The following AHDC1 variants were observed in gnomAD, a reference collection of about 807,000 sequenced individuals.
AHDC1 encodes AT-hook DNA binding motif containing 1, also known as transcription factor Gibbin.
In AHDC1, 7 loss-of-function variants were observed where a neutral mutation model predicts 87.9. That is an observed-to-expected ratio of 0.08 (90% confidence interval 0.05 to 0.15). The LOEUF (loss-of-function observed/expected upper bound fraction) is 0.15, where lower values mean the gene tolerates loss of function less well. Ranked by LOEUF, AHDC1 falls within the 10% of genes least tolerant of loss-of-function variation. The probability of loss-of-function intolerance (pLI) is 1.00; values close to 1 mark genes in which losing one functional copy is unlikely to be tolerated. For missense variants in AHDC1, 1,841 were observed against 2,253.2 expected (o/e 0.82, Z 3.70); for synonymous variants, 1,051 against 1,006.8 (o/e 1.04, Z -0.83).
intron 5 of AHDC1, among the ~76,000 whole-genome samples, chr1:27,556,093 A>G (rs1172997126): frequency 6.6e-6 from 1 of 152,132 alleles, no homozygotes; most frequent in African/African-American, 2.4e-5. Flanking sequence ...TAGGGACACC[A>G]GCTGGTTGGG....
At chr1:27,588,785 GC>G (rs2148463815) in intron 3 of AHDC1, among the ~76,000 whole-genome samples, 2 of 152,290 alleles carry the variant, frequency 1.3e-5, no homozygotes, top group East Asian at 3.9e-4. Context: ...TTGTAGGGGG[GC>G]TGTGTACGCA....
At position 27,561,568 on chromosome 1, in the gene AHDC1, C is replaced by T. The variant is rs1005420274; in HGVS notation, c.-628-2685G>A. Among the ~76,000 whole-genome samples, 7 of 152,048 alleles carry T rather than the reference C, an allele frequency of 4.6e-5. No individual in the cohort carries two copies. The highest frequency in any genetic ancestry group is 8.8e-5 in the Non-Finnish European group (6 of 68,008). On this transcript the variant is annotated intron_variant, in intron 3 of 8. Coordinates refer to ENST00000673934, the MANE Select transcript of AHDC1 (RefSeq NM_001371928.1). This position sits in a 1 kb window ranked among gnomAD's most constrained non-coding sequence, Gnocchi z 4.2. ...AAGGCTCCCTTCACGGTGCTCCAGG[C>T]GCAAGGCAGAATCACATGTTTCCCA...
rs549052351 is a variant in AHDC1, at chr1:27,540,212, T to C, written c.*44-5296A>G. On this transcript the variant is annotated intron_variant, in intron 8 of 8. Transcript: ENST00000673934. ...TCTTTGTAAACTGGATGGATTGTGC[T>C]TGGAGAGGTCCACAGGCCCAGTGAG... Among the ~76,000 whole-genome samples, 5 of 152,230 alleles carry C rather than the reference T, an allele frequency of 3.3e-5. No homozygotes were observed. The South Asian group carries it at 1.0e-3, about 32-fold the overall frequency.
intron 8 of AHDC1, among the ~76,000 whole-genome samples, chr1:27,545,681 G>A (rs954584461): frequency 2.7e-5 from 4 of 147,520 alleles, no homozygotes; most frequent in Non-Finnish European, 4.5e-5. Context: ...GCAATGAGAC[G>A]CATGGGGAAT....
At chr1:27,602,632 C>T (rs1245878320) in intron 3 of AHDC1, among the ~76,000 whole-genome samples, 1 of 152,224 alleles carries the variant, frequency 6.6e-6, no homozygotes, top group Non-Finnish European at 1.5e-5. Context: ...GGGCTGACAG[C>T]TGTCACTCAG....
chr1:27,538,400 C>CAAAAAAAAAAAAAAAAAAAAA (rs370786800), intron 8 of AHDC1, among the ~76,000 whole-genome samples: 95 of 60,628 alleles, frequency 1.6e-3, no homozygotes, highest in Non-Finnish European at 2.8e-3. Context: ...AAGACTGTCT[C>CAAAAAAAAAAAAAAAAAAAAA]AAAAAAAAAA....
chr1:27,598,249 A>G lies in AHDC1; in HGVS notation c.-629+5148T>C, dbSNP rs1253855043. On this transcript the variant is annotated intron_variant, in intron 3 of 8. Transcript: ENST00000673934. The surrounding 1 kb of genome is among the most constrained non-coding windows in gnomAD (Gnocchi z 4.2). ...TGGGCTCCCAGGCCAAGGACCCCAGAGCAGAAGAGGAGAGAAAACAGGGCC... is the reference window on the plus strand; with the variant it reads ...TGGGCTCCCAGGCCAAGGACCCCAGGGCAGAAGAGGAGAGAAAACAGGGCC... Among the ~76,000 whole-genome samples, 1 of 152,086 alleles carries G rather than the reference A, an allele frequency of 6.6e-6. No individual in the cohort carries two copies. The highest frequency in any genetic ancestry group is 1.9e-4 in the East Asian group (1 of 5,184).
At position 27,553,161 on chromosome 1, in the gene AHDC1, C is replaced by A. The variant is rs966698773; in HGVS notation, c.-200G>T. ...GCTGTGGAGCAACTTCGGCCTGAGC[C>A]CAGGCCTCGGGGCGTGGACAGCGCC... On this transcript the variant is annotated 5_prime_UTR_variant, in exon 6 of 9. Coordinates refer to ENST00000673934, the MANE Select transcript of AHDC1 (RefSeq NM_001371928.1). 6.6e-6 allele frequency: 1 copy of A among 152,658 alleles called. No individual in the cohort carries two copies. The highest frequency in any genetic ancestry group is 2.4e-5 in the African/African-American group (1 of 41,462). 9.5% of individuals were successfully genotyped at this position (152,658 alleles called of 1,614,324 possible).
In AHDC1 at chr1:27,560,923, G is replaced by T. The variant is rs1260957823; in HGVS notation, c.-628-2040C>A. Among the ~76,000 whole-genome samples the T allele has an allele frequency of 1.3e-5, 2 of 152,038 alleles. No homozygotes were observed. The highest frequency in any genetic ancestry group is 2.9e-5 in the Non-Finnish European group (2 of 67,996). On this transcript the variant is annotated intron_variant, in intron 3 of 8. Transcript: ENST00000673934. The surrounding 1 kb of genome is among the most constrained non-coding windows in gnomAD (Gnocchi z 4.1). ...TGTGTGTGTCTGTGTCACTGTGTTT[G>T]TGTGTGCCTGCTTCCCTCTTCCCTC... is the stretch of plus-strand genomic sequence containing the variant.
intron 3 of AHDC1, among the ~76,000 whole-genome samples, chr1:27,599,963 C>A (rs909205768): frequency 1.3e-5 from 2 of 151,964 alleles, no homozygotes; most frequent in Admixed American, 1.3e-4. Context: ...AAAAACAACC[C>A]CAGAATCTGA....
chr1:27,573,969 CAAACAGG>C (rs2088624861), intron 3 of AHDC1, among the ~76,000 whole-genome samples: 1 of 152,226 alleles, frequency 6.6e-6, no homozygotes, highest in Non-Finnish European at 1.5e-5. Context: ...GAAGGCCAAT[CAAACAGG>C]AAACAGGGAG....
At chr1:27,602,376 C>A (rs1323847845) in intron 3 of AHDC1, among the ~76,000 whole-genome samples, 1 of 152,188 alleles carries the variant, frequency 6.6e-6, no homozygotes, top group Non-Finnish European at 1.5e-5. Context: ...GGCCCCTTCG[C>A]CTGGCAGGAG....
At chr1:27,545,942 T>C (rs2148245367) in intron 8 of AHDC1, among the ~76,000 whole-genome samples, 1 of 152,332 alleles carries the variant, frequency 6.6e-6, no homozygotes. Flanking sequence ...TCCTGCATGC[T>C]GCCCTTTGTC....
intron 3 of AHDC1, among the ~76,000 whole-genome samples, chr1:27,569,969 T>C (rs1403580264): frequency 6.6e-6 from 1 of 152,038 alleles, no homozygotes; most frequent in Non-Finnish European, 1.5e-5. Context: ...TCCCCAGCTG[T>C]GCCTAGACTC....
At chr1:27,600,226 G>C (rs2089493824) in intron 3 of AHDC1, among the ~76,000 whole-genome samples, 1 of 151,782 alleles carries the variant, frequency 6.6e-6, no homozygotes. Context: ...TAGCAACAAT[G>C]TTACCCTTGC....
chr1:27,578,588 C>CA lies in AHDC1; in HGVS notation c.-628-19706dup, dbSNP rs1003583245. 4.1e-3 allele frequency among the ~76,000 whole-genome samples: 568 copies of CA among 139,636 alleles called. 3 individuals are homozygous for CA. Among genetic ancestry groups the CA allele is most frequent in the African/African-American group, 0.012 (469 of 38,028 alleles). The allele number at this position is 139,636 out of a possible 152,430, so 91.6% of individuals were successfully genotyped here. A position where few individuals can be genotyped will look rare whatever the true frequency, so the allele number is the denominator to read the frequency against. On this transcript the variant is annotated intron_variant, in intron 3 of 8. Coordinates refer to ENST00000673934, the MANE Select transcript of AHDC1 (RefSeq NM_001371928.1). ...AGGGCAACAGAGCAAGACTCCCTCT[C>CA]AAAAAAAAAAAGAAAGATAAATTGT...
intron 3 of AHDC1, among the ~76,000 whole-genome samples, chr1:27,569,657 C>T (rs1054819115): frequency 3.3e-5 from 5 of 152,146 alleles, no homozygotes; most frequent in African/African-American, 1.2e-4. Context: ...TGATGCTGGC[C>T]GTCAGGAGTC....
chr1:27,552,387 G>A (rs2148299841), intron 7 of AHDC1, 198 bp from the exon 8 acceptor site: 1 of 421,458 alleles, frequency 2.4e-6, no homozygotes, highest in Non-Finnish European at 4.0e-6. Flanking sequence ...AGCCCCTCAT[G>A]GGCCCAGTTT....
At chr1:27,575,227 C>G (rs1381420054) in intron 3 of AHDC1, among the ~76,000 whole-genome samples, 2 of 152,206 alleles carry the variant, frequency 1.3e-5, no homozygotes, top group African/African-American at 2.4e-5. Context: ...GCCCACTGAT[C>G]CCTGCCACCT....
Sources: allele counts gnomAD v4.1 joint callset (sites outside exome capture counted in the v4.1 genomes callset), GRCh38; gene constraint gnomAD v4.1.1; non-coding constraint Gnocchi (gnomAD v3.1); transcripts MANE v1.5; gene names NCBI Gene and HGNC (gene_info 2026-07-23, HGNC 2026-07-21).